The following PCNX3 variants were observed in gnomAD, a reference collection of about 807,000 sequenced individuals.
PCNX3 encodes pecanex-like protein 3.
A neutral mutation model predicts 207.2 loss-of-function variants in PCNX3; 58 were observed. The observed-to-expected ratio is 0.28, with a 90% CI of 0.23 to 0.35. PCNX3 has a LOEUF of 0.35. PCNX3 is among the 10% of genes least tolerant of loss of function. The pLI is 1.00. For missense variants in PCNX3, 2,410 were observed against 2,774.4 expected (o/e 0.87, Z 2.95); for synonymous variants, 1,337 against 1,183.5 (o/e 1.13, Z -2.66).
chr11:65,636,546 C>A lies in PCNX3; in HGVS notation c.5749C>A (p.Arg1917=). The part of the protein sequence containing the change: ...PASPIPTEGP[R]TSRPPGPGLL... ...ATCGCCTATCCCCACAGAGGGTCCCCGGACCTCACGGCCCCCTGGCCCGGG... is the reference window on the plus strand; with the variant it reads ...ATCGCCTATCCCCACAGAGGGTCCCAGGACCTCACGGCCCCCTGGCCCGGG... Residue 1917 remains arginine (R), a synonymous_variant, in exon 34 of 35, where the codon CGG becomes AGG. Transcript: ENST00000355703. 4 of 1,595,204 alleles carry A rather than the reference C, an allele frequency of 2.5e-6. No individual in the cohort carries two copies. Among genetic ancestry groups the A allele is most frequent in the Non-Finnish European group, 3.4e-6 (4 of 1,172,696 alleles).
In PCNX3 at chr11:65,625,818, G is replaced by A; in HGVS notation, c.3228+74G>A. ...CTGCTCAATCTGAGTGCCGTGGGCA[G>A]CCCCTCCCCGGCCTGTGCCAGGTGG... On this transcript the variant is annotated intron_variant, in intron 19 of 34. Coordinates refer to ENST00000355703, the MANE Select transcript of PCNX3 (RefSeq NM_032223.4). This position sits in a 1 kb window ranked among gnomAD's most constrained non-coding sequence, Gnocchi z 5.6. The A allele has an allele frequency of 6.3e-7, 1 of 1,596,212 alleles. No homozygotes were observed. The highest frequency in any genetic ancestry group is 8.5e-7 in the Non-Finnish European group (1 of 1,171,464).
At chr11:65,634,831 C>A (rs1855761800) in intron 29 of PCNX3, 142 bp from the exon 30 acceptor site, 1 of 1,291,038 alleles carries the variant, frequency 7.7e-7, no homozygotes. Context: ...CTGTGAGAGA[C>A]ATGGGCAGAG....
chr11:65,622,097 C>T lies in PCNX3; in HGVS notation c.2236-148C>T, dbSNP rs529362731. 3.1e-5 allele frequency: 42 copies of T among 1,358,230 alleles called. No homozygotes were observed. In the South Asian group the frequency reaches 5.9e-4, roughly 19 times the overall value. 84.1% of individuals were successfully genotyped at this position (1,358,230 alleles called of 1,614,324 possible). On this transcript the variant is annotated intron_variant, in intron 10 of 34. Transcript: ENST00000355703. ...GGGGTCCAGGGCCGCTAGACAGGGG[C>T]CTTTATGTGCTGATGGAAATGGTCA...
At position 65,636,431 on chromosome 11, in the gene PCNX3, G is replaced by A. The variant is rs777685356; in HGVS notation, c.5634G>A (p.Gly1878=). The change falls in exon 34 of 35, where the codon GGG becomes GGA. Residue 1878 remains glycine (G), a synonymous_variant. Transcript: ENST00000355703. Reference sequence around the variant, plus strand: ...CCCTCCCACCAGGCCCTGGCTGGGGGCCGCGGTCCTCCCTGAGTGGCTCTG... The same window carrying A: ...CCCTCCCACCAGGCCCTGGCTGGGGACCGCGGTCCTCCCTGAGTGGCTCTG... ...DQPLPPGPGW[G]PRSSLSGSGD... 2 of 1,554,464 alleles carry A rather than the reference G, an allele frequency of 1.3e-6. No individual in the cohort carries two copies. Among genetic ancestry groups the A allele is most frequent in the Non-Finnish European group, 1.7e-6 (2 of 1,151,370 alleles).
intron 9 of PCNX3, among the ~76,000 whole-genome samples, 180 bp downstream of exon 9, chr11:65,620,609 C>A (rs114170285): frequency 0.015 from 2,252 of 152,288 alleles, 47 homozygotes; most frequent in African/African-American, 0.051. Flanking sequence ...CTCCATGACA[C>A]TCCGGGCAGG....
At position 65,624,527 on chromosome 11, in the gene PCNX3, A is replaced by G; in HGVS notation, c.2773A>G (p.Thr925Ala). 1 of 1,608,962 alleles carries G rather than the reference A, an allele frequency of 6.2e-7. No homozygotes were observed. The highest frequency in any genetic ancestry group is 8.5e-7 in the Non-Finnish European group (1 of 1,177,762). The change falls in exon 15 of 35, where the codon ACC becomes GCC. Residue 925 changes from threonine to alanine, a missense_variant. Physicochemically the swap from Thr to Ala is moderately conservative, Grantham distance 58. Around this residue, in one of 8 missense-constraint regions of PCNX3, gnomAD observed 18 missense variants for 46.2 expected, o/e 0.39. Transcript: ENST00000355703. ...CCTGGGCCTCCTGCCCCAGGTCAAC[A>G]CCTGCCTCATGTACCTGCTGGAGCA... ...FLLGLLPQVN[T>A]CLMYLLEQID...
At chr11:65,624,051 G>A (rs1855251197) in intron 13 of PCNX3, 90 bp downstream of exon 13, 1 of 1,583,870 alleles carries the variant, frequency 6.3e-7, no homozygotes, top group African/African-American at 1.3e-5. Context: ...GGAGGGCTGG[G>A]GCTCCCTCAC....
At chr11:65,627,279 C>A in intron 21 of PCNX3, 126 bp from the exon 22 acceptor site, 1 of 1,203,874 alleles carries the variant, frequency 8.3e-7, no homozygotes, top group Non-Finnish European at 1.1e-6. Flanking sequence ...CCCAAAAGAG[C>A]AGGGACCAGC....
rs764808693 is a variant in PCNX3 at position 65,635,371 on chromosome 11, C to T, written c.5107C>T (p.His1703Tyr). The T allele has an allele frequency of 6.2e-7, 1 of 1,612,242 alleles. No homozygotes were observed. The highest frequency in any genetic ancestry group is 1.7e-5 in the Admixed American group (1 of 59,904). The change falls in exon 31 of 35, where the codon CAT becomes TAT. Residue 1703 changes from histidine to tyrosine, a missense_variant. By Grantham distance (83) the His-to-Tyr change is moderately conservative. Transcript: ENST00000355703. This position sits in a 1 kb window ranked among gnomAD's most constrained non-coding sequence, Gnocchi z 9.9. Reference protein sequence around the residue: ...SNTPSLLALRHVLDDASDEYK... With the variant: ...SNTPSLLALRYVLDDASDEYK... Reference sequence around the variant, plus strand: ...CACGCCCTCCCTGCTGGCGCTGCGCCATGTCCTGGATGATGCCTCCGACGA... The same window carrying T: ...CACGCCCTCCCTGCTGGCGCTGCGCTATGTCCTGGATGATGCCTCCGACGA...
chr11:65,626,784 C>T, intron 20 of PCNX3, 120 bp from the exon 21 acceptor site: 4 of 1,437,894 alleles, frequency 2.8e-6, no homozygotes, highest in Non-Finnish European at 3.7e-6. Flanking sequence ...CACAGATCAG[C>T]CCCTCCCCCC....
chr11:65,616,301 G>A lies in PCNX3; in HGVS notation c.-11G>A. On this transcript the variant is annotated 5_prime_UTR_variant, in exon 1 of 35. Coordinates refer to ENST00000355703, the MANE Select transcript of PCNX3 (RefSeq NM_032223.4). Reference sequence around the variant, plus strand: ...CCCGGGAGGGGGGGCGCGGGCAGCAGCGGCGGGGCCATGGGGTCGCAGGTG... The same window carrying A: ...CCCGGGAGGGGGGGCGCGGGCAGCAACGGCGGGGCCATGGGGTCGCAGGTG... 2 of 1,564,036 alleles carry A rather than the reference G, an allele frequency of 1.3e-6. No homozygotes were observed. Among genetic ancestry groups the A allele is most frequent in the Non-Finnish European group, 1.7e-6 (2 of 1,161,462 alleles).
rs370838995 is a variant in PCNX3 at position 65,618,298 on chromosome 11, C to T, written c.936C>T (p.Ser312=). The T allele has an allele frequency of 8.3e-5, 133 of 1,610,180 alleles. 1 individual carries two copies. In the Middle Eastern group the frequency reaches 9.9e-4, roughly 12 times the overall value. The part of the protein sequence containing the change: ...FSGTDRETLS[S]FKSEKTNSTH... ...GCACTGACAGGGAGACATTGAGCAGCTTCAAGAGTGAGAAGACCAACTCCA... is the reference window on the plus strand; with the variant it reads ...GCACTGACAGGGAGACATTGAGCAGTTTCAAGAGTGAGAAGACCAACTCCA... Residue 312 remains serine (S), a synonymous_variant, in exon 6 of 35, where the codon AGC becomes AGT. Transcript: ENST00000355703.
rs766726489 is a variant in PCNX3 at position 65,623,660 on chromosome 11, CTG to C, written c.2511+20_2511+21del. ...CTTGCTGAAGGTCAGGCCGGGCTCT[CTG>C]TGTTTCCTTCCCCACCCGACTTTTC... On this transcript the variant is annotated intron_variant, in intron 12 of 34. Transcript: ENST00000355703. 6.2e-6 allele frequency: 10 copies of C among 1,607,724 alleles called. No individual in the cohort carries two copies. In the South Asian group the frequency reaches 1.0e-4, roughly 16 times the overall value.
Position 65,624,910 on chromosome 11 carries a change from C to T in PCNX3, c.2828-15C>T, listed in dbSNP as rs1462885525. On this transcript the variant is annotated splice_polypyrimidine_tract_variant and intron_variant, in intron 15 of 34. Coordinates refer to ENST00000355703, the MANE Select transcript of PCNX3 (RefSeq NM_032223.4). Reference sequence around the variant, plus strand: ...TGCAAGTGAGAGCTGGGCTGTACTTCTCCCTTCCACACAGCTGCCACCAGC... The same window carrying T: ...TGCAAGTGAGAGCTGGGCTGTACTTTTCCCTTCCACACAGCTGCCACCAGC... The T allele has an allele frequency of 1.2e-6, 2 of 1,601,428 alleles. No homozygotes were observed. Among genetic ancestry groups the T allele is most frequent in the Non-Finnish European group, 1.7e-6 (2 of 1,176,098 alleles).
intron 10 of PCNX3, among the ~76,000 whole-genome samples, 179 bp downstream of exon 10, chr11:65,621,145 G>A (rs991489320): frequency 6.6e-6 from 1 of 152,236 alleles, no homozygotes; most frequent in Non-Finnish European, 1.5e-5. Context: ...GAGACTCTGG[G>A]TCTGAATGGC....
chr11:65,635,564 G>A lies in PCNX3; in HGVS notation c.5220G>A (p.Gly1740=). 6.2e-7 allele frequency: 1 copy of A among 1,612,152 alleles called. No homozygotes were observed. Among genetic ancestry groups the A allele is most frequent in the Non-Finnish European group, 8.5e-7 (1 of 1,179,702 alleles). ...AGTGCGTGCGCGGCCTGTGGGCCGG[G>A]CAGCAGCAGGAGCTGGTGTTCCTGC... ...NRECVRGLWA[G]QQQELVFLRN... The change falls in exon 32 of 35, where the codon GGG becomes GGA. Residue 1740 remains glycine (G), a synonymous_variant. Coordinates refer to ENST00000355703, the MANE Select transcript of PCNX3 (RefSeq NM_032223.4). This position sits in a 1 kb window ranked among gnomAD's most constrained non-coding sequence, Gnocchi z 9.9.
Position 65,629,635 on chromosome 11 carries a change from C to G in PCNX3, c.4116C>G (p.Asp1372Glu), listed in dbSNP as rs1488278288. 1 of 1,602,564 alleles carries G rather than the reference C, an allele frequency of 6.2e-7. No individual in the cohort carries two copies. Among genetic ancestry groups the G allele is most frequent in the Non-Finnish European group, 8.5e-7 (1 of 1,174,600 alleles). Residue 1372 changes from aspartate to glutamate, a missense_variant, in exon 26 of 35, where the codon GAC (aspartate) becomes GAG (glutamate). Coordinates refer to ENST00000355703, the MANE Select transcript of PCNX3 (RefSeq NM_032223.4). Reference protein sequence around the residue: ...LGRWGNYGPGDCFVLASDYLN... With the variant: ...LGRWGNYGPGECFVLASDYLN... ...GCTGGGGCAACTATGGCCCTGGTGA[C>G]TGCTTCGTCCTGGCCTCTGACTACC...
intron 8 of PCNX3, 113 bp from the exon 9 acceptor site, chr11:65,620,226 C>G (rs746879828): frequency 3.4e-6 from 4 of 1,159,528 alleles, no homozygotes; most frequent in Non-Finnish European, 4.8e-6. Flanking sequence ...GCTGCCCTCT[C>G]AGAGGACACA....
chr11:65,634,073 C>T, intron 27 of PCNX3, 53 bp from the exon 28 acceptor site: 4 of 1,507,006 alleles, frequency 2.7e-6, no homozygotes, highest in Non-Finnish European at 3.6e-6. Flanking sequence ...ATGCTTTCTC[C>T]TCCAGTGGCC....
Sources: gnomAD v4.1 joint callset for allele counts (sites outside exome capture counted in the v4.1 genomes callset) on GRCh38, gnomAD v4.1.1 for gene constraint, gnomAD v4.1.1 regional missense constraint, Gnocchi (gnomAD v3.1) non-coding constraint, MANE v1.5 for transcripts, NCBI Gene and HGNC (gene_info 2026-07-23, HGNC 2026-07-21) for gene names.